Variants in CNTN3 observed in about 807,000 individuals in gnomAD.
CNTN3 encodes contactin-3.
Under a neutral mutation model 119.1 loss-of-function variants are expected in CNTN3, and 60 were observed. The observed-to-expected ratio is 0.50, with a 90% CI of 0.41 to 0.62. CNTN3 has a LOEUF of 0.62. Among genes scored for constraint, CNTN3 ranks in the 20% least tolerant of loss-of-function variants. The probability of loss-of-function intolerance (pLI) is 0.00; values close to 1 mark genes in which losing one functional copy is unlikely to be tolerated. For synonymous variants in CNTN3, 450 were observed against 438.7 expected, an observed-to-expected ratio of 1.03 and a Z score of -0.32; for missense variants, 1,101 against 1,242.4, an observed-to-expected ratio of 0.89 and a Z score of 1.71.
At chr3:74,611,649 C>G (rs2106719673) in intron 1 of CNTN3, among the ~76,000 whole-genome samples, 1 of 151,966 alleles carries the variant, frequency 6.6e-6, no homozygotes, top group East Asian at 1.9e-4. Context: ...ACTATCTTTG[C>G]AACAATGATA....
chr3:74,523,214 T>G (rs933341901), intron 1 of CNTN3, among the ~76,000 whole-genome samples: 5 of 151,830 alleles, frequency 3.3e-5, no homozygotes, highest in African/African-American at 1.2e-4. Context: ...GCAGCCATAG[T>G]TTTTCTTCTA....
chr3:74,386,438 T>C (rs1454328714), intron 5 of CNTN3, among the ~76,000 whole-genome samples: 1 of 152,018 alleles, frequency 6.6e-6, no homozygotes, highest in African/African-American at 2.4e-5. Flanking sequence ...GGCAACATGG[T>C]GAAAAATTTG....
At chr3:74,600,236 C>T (rs1035860281) in intron 1 of CNTN3, among the ~76,000 whole-genome samples, 9 of 151,928 alleles carry the variant, frequency 5.9e-5, no homozygotes, top group African/African-American at 2.2e-4. Flanking sequence ...GAAAGACGTC[C>T]TGAAAAGCAA....
At position 74,587,339 on chromosome 3, in the gene CNTN3, T is replaced by G. The variant is rs4677420; in HGVS notation, c.-81+27052A>C. On this transcript the variant is annotated intron_variant, in intron 1 of 22. Coordinates refer to ENST00000263665, the MANE Select transcript of CNTN3 (RefSeq NM_020872.3). ...TATAGTCATGTCCATAAGACTGTTTTTGGGCAATGAGATGTGAGGAGAAGT... is the reference window on the plus strand; with the variant it reads ...TATAGTCATGTCCATAAGACTGTTTGTGGGCAATGAGATGTGAGGAGAAGT... Among the ~76,000 whole-genome samples, 3 of 152,116 alleles carry G rather than the reference T, an allele frequency of 2.0e-5. No individual in the cohort carries two copies. The South Asian group carries it at 6.2e-4, about 31-fold the overall frequency.
intron 5 of CNTN3, among the ~76,000 whole-genome samples, chr3:74,395,976 T>C (rs1705040790): frequency 6.6e-6 from 1 of 152,226 alleles, no homozygotes; most frequent in Non-Finnish European, 1.5e-5. Flanking sequence ...GGGAGCTCCA[T>C]GAACCCTGCT....
intron 1 of CNTN3, among the ~76,000 whole-genome samples, chr3:74,588,313 A>G (rs78499711): frequency 0.23 from 35,433 of 151,950 alleles, 6,758 homozygotes; most frequent in African/African-American, 0.52. Flanking sequence ...CACCAATAAC[A>G]GACAAACAGA....
intron 13 of CNTN3, among the ~76,000 whole-genome samples, chr3:74,309,652 G>A (rs557736245): frequency 6.6e-6 from 1 of 152,104 alleles, no homozygotes; most frequent in African/African-American, 2.4e-5. Flanking sequence ...TGAGCAGTTA[G>A]GGTAAAAAAA....
intron 5 of CNTN3, among the ~76,000 whole-genome samples, chr3:74,408,806 C>G (rs1234333653): frequency 6.6e-6 from 1 of 152,118 alleles, no homozygotes; most frequent in Non-Finnish European, 1.5e-5. Context: ...TCATATCATT[C>G]ATCTCTCCTT....
chr3:74,281,428 AG>A (rs1388609380), intron 20 of CNTN3, among the ~76,000 whole-genome samples: 2 of 152,080 alleles, frequency 1.3e-5, no homozygotes, highest in African/African-American at 2.4e-5. Context: ...TCGATCTCCT[AG>A]GCTCAAGGAA....
chr3:74,331,177 A>G (rs562562813), intron 13 of CNTN3, among the ~76,000 whole-genome samples: 2 of 152,320 alleles, frequency 1.3e-5, no homozygotes, highest in South Asian at 2.1e-4. Flanking sequence ...CAGTCCTGCA[A>G]ACTCCATTCA....
At chr3:74,582,382 G>A (rs978763841) in intron 1 of CNTN3, among the ~76,000 whole-genome samples, 2 of 146,126 alleles carry the variant, frequency 1.4e-5, no homozygotes, top group African/African-American at 5.0e-5. Context: ...CTCCAGCCCG[G>A]GCGACAGAGC....
intron 5 of CNTN3, among the ~76,000 whole-genome samples, chr3:74,397,655 T>C (rs1705090347): frequency 6.6e-6 from 1 of 152,168 alleles, no homozygotes; most frequent in Non-Finnish European, 1.5e-5. Flanking sequence ...TTTGAAGTTA[T>C]AATATTTAAG....
intron 4 of CNTN3, among the ~76,000 whole-genome samples, chr3:74,438,523 C>G (rs1014207486): frequency 6.6e-6 from 1 of 152,148 alleles, no homozygotes; most frequent in African/African-American, 2.4e-5. Context: ...TCATCCAAGT[C>G]CAGCTAAATT....
chr3:74,341,608 C>T (rs1263328289), intron 11 of CNTN3, among the ~76,000 whole-genome samples: 1 of 151,976 alleles, frequency 6.6e-6, no homozygotes, highest in African/African-American at 2.4e-5. Context: ...TAACTTTGTG[C>T]AGTCTATGGT....
chr3:74,377,640 GCTTT>G (rs1559571395), intron 5 of CNTN3, among the ~76,000 whole-genome samples: 1 of 152,138 alleles, frequency 6.6e-6, no homozygotes, highest in Non-Finnish European at 1.5e-5. Context: ...TGGCCAGTGG[GCTTT>G]CTATTAACAA....
At chr3:74,481,262 A>G (rs1036844538) in intron 4 of CNTN3, among the ~76,000 whole-genome samples, 1 of 151,906 alleles carries the variant, frequency 6.6e-6, no homozygotes, top group Non-Finnish European at 1.5e-5. Flanking sequence ...AACCCAATGA[A>G]CATATGGAGA....
intron 19 of CNTN3, among the ~76,000 whole-genome samples, chr3:74,294,237 G>C (rs1702289750): frequency 6.6e-6 from 1 of 152,120 alleles, no homozygotes; most frequent in Admixed American, 6.5e-5. Context: ...TGTCATTGCT[G>C]GCAAAATCTT....
Position 74,298,069 on chromosome 3 carries a change from A to G in CNTN3, c.2289T>C (p.Phe763=), listed in dbSNP as rs2106809492. 1 of 1,614,028 alleles carries G rather than the reference A, an allele frequency of 6.2e-7. No homozygotes were observed. Among genetic ancestry groups the G allele is most frequent in the Non-Finnish European group, 8.5e-7 (1 of 1,179,938 alleles). ...VTSPDTPRYV[F]RNESIVPYSP... is the part of the protein sequence containing the mutation. Reference sequence around the variant, plus strand: ...AATATGGCACGATGCTTTCATTCCTAAAGACATATCTTGGGGTGTCAGGGG... The same window carrying G: ...AATATGGCACGATGCTTTCATTCCTGAAGACATATCTTGGGGTGTCAGGGG... Residue 763 remains phenylalanine, a synonymous_variant, in exon 18 of 23, where the codon TTT becomes TTC. Coordinates refer to ENST00000263665, the MANE Select transcript of CNTN3 (RefSeq NM_020872.3).
rs528238649 is a variant in CNTN3 at position 74,523,081 on chromosome 3, G to GCCTTCCTTTCTT, written c.-80-1901_-80-1890dup. On this transcript the variant is annotated intron_variant, in intron 1 of 22. Transcript: ENST00000263665. ...TGGACCAAAGGGTCTCAGGTATCTTGCCTTCCTTTCTTCCTTCCTTCCTTC... is the reference window on the plus strand; with the variant it reads ...TGGACCAAAGGGTCTCAGGTATCTTGCCTTCCTTTCTTCCTTCCTTTCTTCCTTCCTTCCTTC... 4.3e-3 allele frequency among the ~76,000 whole-genome samples: 653 copies of GCCTTCCTTTCTT among 151,774 alleles called. 4 individuals are homozygous for GCCTTCCTTTCTT. Among genetic ancestry groups the GCCTTCCTTTCTT allele is most frequent in the African/African-American group, 0.015 (622 of 41,478 alleles).
Sources: allele counts gnomAD v4.1 joint callset (sites outside exome capture counted in the v4.1 genomes callset), GRCh38; gene constraint gnomAD v4.1.1; transcripts MANE v1.5; gene names NCBI Gene and HGNC (gene_info 2026-07-23, HGNC 2026-07-21).